Variants in MYL9 observed in about 807,000 individuals in gnomAD.
MYL9 encodes myosin regulatory light polypeptide 9.
A neutral mutation model predicts 12.8 loss-of-function variants in MYL9; 7 were observed. The ratio of observed to expected loss-of-function variants is 0.55; its 90% CI spans 0.31 to 1.03. The LOEUF is 1.03. MYL9 is among the 50% of genes least tolerant of loss of function. The pLI is 0.05. For synonymous variants in MYL9, 81 were observed against 87.8 expected (o/e 0.92, Z 0.43); for missense variants, 190 against 242.7 (o/e 0.78, Z 1.44).
chr20:36,546,077 G>A (rs1190437701), intron 2 of MYL9, among the ~76,000 whole-genome samples: 1 of 152,164 alleles, frequency 6.6e-6, no homozygotes, highest in African/African-American at 2.4e-5. Flanking sequence ...TAGCCTCTCT[G>A]GTCCCAGTGA....
intron 1 of MYL9, among the ~76,000 whole-genome samples, chr20:36,543,694 C>G (rs2038062350): frequency 6.6e-6 from 1 of 152,206 alleles, no homozygotes. Context: ...CCAACTATGG[C>G]CTGGGATTGG....
intron 3 of MYL9, among the ~76,000 whole-genome samples, chr20:36,548,646 TC>T (rs1164664052): frequency 6.6e-6 from 1 of 152,188 alleles, no homozygotes; most frequent in African/African-American, 2.4e-5. Flanking sequence ...CATACGTTCA[TC>T]CCTGTTTTCT....
chr20:36,545,496 C>CAAAA (rs577748904), intron 2 of MYL9, among the ~76,000 whole-genome samples: 2 of 75,352 alleles, frequency 2.7e-5, no homozygotes. Flanking sequence ...GACTCCATCT[C>CAAAA]AAAAAAAAAA....
chr20:36,548,103 T>C lies in MYL9; in HGVS notation c.256T>C (p.Phe86Leu). The change falls in exon 3 of 4, where the codon TTC (phenylalanine) becomes CTC (leucine). Residue 86 changes from phenylalanine (F) to leucine (L), a missense_variant. Phe to Leu is a conservative substitution (Grantham distance 22). Coordinates refer to ENST00000279022, the MANE Select transcript of MYL9 (RefSeq NM_006097.5). The stretch of plus-strand genomic sequence containing the variant: ...CCCGGGGCCCATCAACTTCACCATG[T>C]TCCTCACCATGTTTGGGGAGAAGCT... The part of the protein sequence containing the change: ...EAPGPINFTM[F>L]LTMFGEKLNG... 2 of 1,613,946 alleles carry C rather than the reference T, an allele frequency of 1.2e-6. No homozygotes were observed. Among genetic ancestry groups the C allele is most frequent in the Non-Finnish European group, 1.7e-6 (2 of 1,179,866 alleles).
intron 1 of MYL9, among the ~76,000 whole-genome samples, chr20:36,541,927 G>A (rs1369011189): frequency 1.3e-5 from 2 of 152,082 alleles, no homozygotes; most frequent in African/African-American, 4.8e-5. Context: ...CTGGGGAGAG[G>A]GTTGCAGTCG....
intron 1 of MYL9, among the ~76,000 whole-genome samples, chr20:36,542,818 G>A (rs1277036759): frequency 2.0e-5 from 3 of 152,230 alleles, no homozygotes; most frequent in African/African-American, 4.8e-5. Flanking sequence ...TGGACATGGC[G>A]GCCTTGTGCA....
chr20:36,544,533 CCAAA>C (rs1410672683), intron 1 of MYL9, among the ~76,000 whole-genome samples: 2 of 152,088 alleles, frequency 1.3e-5, no homozygotes, highest in Non-Finnish European at 2.9e-5. Flanking sequence ...AGTGTTTTAC[CCAAA>C]CAGTCACAGC....
chr20:36,548,305 C>T (rs1339630079), intron 3 of MYL9, 112 bp downstream of exon 3: 12 of 1,372,840 alleles, frequency 8.7e-6, no homozygotes, highest in Non-Finnish European at 1.2e-5. Context: ...CAGGTTCTGT[C>T]ACCAGAACTA....
chr20:36,549,288 AC>A lies in MYL9; in HGVS notation c.*43del. 1 of 1,403,468 alleles carries A rather than the reference AC, an allele frequency of 7.1e-7. No homozygotes were observed. The allele number at this position is 1,403,468 out of a possible 1,614,324, so 86.9% of individuals were successfully genotyped here. ...CCTGACACCCCAGCCCCCGCCAGTC[AC>A]CCCTCCCCGCACACACCCGTCCATA... On this transcript the variant is annotated 3_prime_UTR_variant, in exon 4 of 4. Coordinates refer to ENST00000279022, the MANE Select transcript of MYL9 (RefSeq NM_006097.5).
intron 3 of MYL9, among the ~76,000 whole-genome samples, chr20:36,548,495 C>T (rs533284780): frequency 6.6e-6 from 1 of 152,192 alleles, no homozygotes; most frequent in African/African-American, 2.4e-5. Context: ...TAGAAACTGG[C>T]CCCCCTCCTC....
In MYL9 at chr20:36,549,476, GGAA is replaced by G; in HGVS notation, c.*228_*230del. The G allele has an allele frequency of 6.2e-6, 3 of 487,476 alleles. No individual in the cohort carries two copies. Among genetic ancestry groups the G allele is most frequent in the Non-Finnish European group, 1.1e-5 (3 of 270,868 alleles). 30.2% of individuals were successfully genotyped at this position (487,476 alleles called of 1,614,324 possible). A position where few individuals can be genotyped will look rare whatever the true frequency, so the allele number is the denominator to read the frequency against. On this transcript the variant is annotated 3_prime_UTR_variant, in exon 4 of 4. Coordinates refer to ENST00000279022, the MANE Select transcript of MYL9 (RefSeq NM_006097.5). ...GGGCTATAGTCTCTGACCCCTCCAA[GGAA>G]AGACCACCTTCTGGGGACATGGGCT...
intron 1 of MYL9, among the ~76,000 whole-genome samples, 200 bp from the exon 2 acceptor site, chr20:36,544,659 G>A (rs532874126): frequency 2.0e-5 from 3 of 152,090 alleles, no homozygotes; most frequent in East Asian, 1.9e-4. Context: ...GAAGACTCTC[G>A]GGCTCAGAGA....
chr20:36,548,265 TA>T, intron 3 of MYL9, 72 bp downstream of exon 3: 1 of 1,514,858 alleles, frequency 6.6e-7, no homozygotes, highest in South Asian at 1.3e-5. Context: ...CCTCTGCCCC[TA>T]AGGGCCAGAA....
Position 36,549,126 on chromosome 20 carries a change from C to A in MYL9, c.396C>A (p.Asp132Glu), listed in dbSNP as rs745590459. 1 of 1,613,700 alleles carries A rather than the reference C, an allele frequency of 6.2e-7. No individual in the cohort carries two copies. The highest frequency in any genetic ancestry group is 8.5e-7 in the Non-Finnish European group (1 of 1,179,982). The change falls in exon 4 of 4, where the codon GAC becomes GAA. Residue 132 changes from aspartate (D) to glutamate (E), a missense_variant. Coordinates refer to ENST00000279022, the MANE Select transcript of MYL9 (RefSeq NM_006097.5). Reference protein sequence around the residue: ...HLRELLTTMGDRFTDEEVDEM... With the variant: ...HLRELLTTMGERFTDEEVDEM... ...GGGAGCTGCTCACCACCATGGGTGA[C>A]CGCTTCACAGATGAGGAAGTGGACG... is the stretch of plus-strand genomic sequence containing the variant.
At chr20:36,547,231 A>G (rs1208353794) in intron 2 of MYL9, among the ~76,000 whole-genome samples, 3 of 152,244 alleles carry the variant, frequency 2.0e-5, no homozygotes, top group African/African-American at 7.2e-5. Flanking sequence ...AGTTAAAAAC[A>G]AGAGCAGCAA....
chr20:36,544,984 T>A lies in MYL9; in HGVS notation c.100T>A (p.Phe34Ile), dbSNP rs1204246553. 6.2e-7 allele frequency: 1 copy of A among 1,611,408 alleles called. No individual in the cohort carries two copies. Reference sequence around the variant, plus strand: ...GTTTGACCAGTCCCAGATCCAGGAGTTTAAGGAGGCTTTCAACATGATTGA... The same window carrying A: ...GTTTGACCAGTCCCAGATCCAGGAGATTAAGGAGGCTTTCAACATGATTGA... ...AMFDQSQIQEFKEAFNMIDQN... is the reference protein window; with the variant it reads ...AMFDQSQIQEIKEAFNMIDQN... Residue 34 changes from phenylalanine to isoleucine, a missense_variant, in exon 2 of 4, where the codon TTT (phenylalanine) becomes ATT (isoleucine). Coordinates refer to ENST00000279022, the MANE Select transcript of MYL9 (RefSeq NM_006097.5).
rs6015471 is a variant in MYL9 at position 36,547,907 on chromosome 20, A to G, written c.185-125A>G. The G allele has an allele frequency of 1.7e-5, 21 of 1,232,868 alleles. No homozygotes were observed. The African/African-American group carries it at 2.9e-4, about 17-fold the overall frequency. 76.4% of individuals were successfully genotyped at this position (1,232,868 alleles called of 1,614,324 possible). A position where few individuals can be genotyped will look rare whatever the true frequency, so the allele number is the denominator to read the frequency against. ...GCTAGAGCCATGCTTTCCAGTTCACAAAACCCACTACCTCCCGTCTCACAC... is the reference window on the plus strand; with the variant it reads ...GCTAGAGCCATGCTTTCCAGTTCACGAAACCCACTACCTCCCGTCTCACAC... On this transcript the variant is annotated intron_variant, in intron 2 of 3. Coordinates refer to ENST00000279022, the MANE Select transcript of MYL9 (RefSeq NM_006097.5).
At chr20:36,543,378 A>C (rs2038059098) in intron 1 of MYL9, among the ~76,000 whole-genome samples, 1 of 152,180 alleles carries the variant, frequency 6.6e-6, no homozygotes, top group Admixed American at 6.5e-5. Context: ...AAGGCCTGGA[A>C]ACAGCTCAAG....
chr20:36,545,445 C>T (rs1330354830), intron 2 of MYL9, among the ~76,000 whole-genome samples: 15 of 148,430 alleles, frequency 1.0e-4, no homozygotes, highest in Non-Finnish European at 1.0e-4. Flanking sequence ...TGCAGTGAGC[C>T]GAGATCGCCC....
Sources: allele counts gnomAD v4.1 joint callset (sites outside exome capture counted in the v4.1 genomes callset), GRCh38; gene constraint gnomAD v4.1.1; transcripts MANE v1.5; gene names NCBI Gene and HGNC (gene_info 2026-07-23, HGNC 2026-07-21).